The following USP34 variants were observed in gnomAD, a reference collection of about 807,000 sequenced individuals.
The protein encoded by USP34 is ubiquitin carboxyl-terminal hydrolase 34.
In USP34, 70 loss-of-function variants were observed where a neutral mutation model predicts 460.3. The ratio of observed to expected loss-of-function variants is 0.15; its 90% CI spans 0.13 to 0.19. The LOEUF is 0.19. Ranked by LOEUF, USP34 falls within the 10% of genes least tolerant of loss-of-function variation. The pLI is 1.00. For missense variants in USP34, 3,985 were observed against 4,236.2 expected (o/e 0.94, Z 1.65); for synonymous variants, 1,647 against 1,405.3 (o/e 1.17, Z -3.85).
At chr2:61,358,591 C>T (rs1167234073) in intron 10 of USP34, among the ~76,000 whole-genome samples, 1 of 152,138 alleles carries the variant, frequency 6.6e-6, no homozygotes, top group Admixed American at 6.5e-5. Flanking sequence ...TTTACCACTG[C>T]TACTCAACAC....
At chr2:61,270,076 A>T (rs1049216876) in intron 41 of USP34, among the ~76,000 whole-genome samples, 2 of 152,180 alleles carry the variant, frequency 1.3e-5, no homozygotes, top group African/African-American at 2.4e-5. Flanking sequence ...CCCAGCCTAA[A>T]ATTACAAAAG....
intron 41 of USP34, among the ~76,000 whole-genome samples, chr2:61,266,774 G>GAGAT (rs1457124868): frequency 6.6e-6 from 1 of 152,308 alleles, no homozygotes; most frequent in East Asian, 1.9e-4. Flanking sequence ...GTGCAGAAAA[G>GAGAT]AGATAGCACA....
intron 16 of USP34, among the ~76,000 whole-genome samples, chr2:61,341,297 C>T (rs1337742884): frequency 6.6e-6 from 1 of 152,134 alleles, no homozygotes; most frequent in African/African-American, 2.4e-5. Context: ...TTTCACTTCT[C>T]TTGAGTAAAA....
At chr2:61,256,545 G>T (rs975896992) in intron 47 of USP34, 67 bp from the exon 48 acceptor site, 1 of 1,256,906 alleles carries the variant, frequency 8.0e-7, no homozygotes, top group Non-Finnish European at 1.1e-6. Flanking sequence ...ACAAAAGGTG[G>T]CAATTACAAT....
chr2:61,380,900 C>T (rs982266561), intron 6 of USP34, among the ~76,000 whole-genome samples: 4 of 152,206 alleles, frequency 2.6e-5, no homozygotes, highest in African/African-American at 9.7e-5. Flanking sequence ...GATTCCCGCT[C>T]ACCCCACAAG....
chr2:61,373,514 T>C (rs1692694415), intron 8 of USP34, among the ~76,000 whole-genome samples: 1 of 150,334 alleles, frequency 6.7e-6, no homozygotes, highest in Non-Finnish European at 1.5e-5. Context: ...CAATAACAAA[T>C]AAAATAGACT....
intron 3 of USP34, among the ~76,000 whole-genome samples, chr2:61,399,950 T>C (rs994339288): frequency 6.6e-6 from 1 of 151,172 alleles, no homozygotes; most frequent in African/African-American, 2.4e-5. Flanking sequence ...AGAAAGGCTT[T>C]AATAAACTTA....
chr2:61,211,971 G>A (rs759604790), intron 68 of USP34, 42 bp from the exon 69 acceptor site: 1 of 1,547,942 alleles, frequency 6.5e-7, no homozygotes, highest in South Asian at 1.2e-5. Flanking sequence ...TAACCCTATA[G>A]CATTTTAGAA....
chr2:61,455,928 G>T (rs1695424556), intron 1 of USP34, among the ~76,000 whole-genome samples: 1 of 152,068 alleles, frequency 6.6e-6, no homozygotes, highest in Non-Finnish European at 1.5e-5. Flanking sequence ...CTTAATAAAT[G>T]ACAGGAGCAA....
intron 78 of USP34, 180 bp downstream of exon 78, chr2:61,190,091 A>T (rs146414477): frequency 1.3e-5 from 8 of 631,218 alleles, no homozygotes; most frequent in African/African-American, 3.7e-5. Context: ...AAGGTGATAG[A>T]GTGTGCTGTG....
intron 1 of USP34, 40 bp downstream of exon 1, chr2:61,470,610 A>T: frequency 6.8e-7 from 1 of 1,478,490 alleles, no homozygotes; most frequent in Non-Finnish European, 9.4e-7. Flanking sequence ...CGAGGACCCC[A>T]AACCGTGCAC....
At chr2:61,430,227 A>C (rs1299504611) in intron 1 of USP34, among the ~76,000 whole-genome samples, 3 of 129,280 alleles carry the variant, frequency 2.3e-5, no homozygotes, top group Non-Finnish European at 5.2e-5. Context: ...AAAAAAAAAA[A>C]AAAGAAAAGA....
chr2:61,236,098 A>G (rs1205966212), intron 55 of USP34, 25 bp from the exon 56 acceptor site: 1 of 1,596,186 alleles, frequency 6.3e-7, no homozygotes, highest in Non-Finnish European at 8.5e-7. Flanking sequence ...AAAGCAAAAA[A>G]GCTTCAATCA....
chr2:61,462,444 G>A (rs1211548529), intron 1 of USP34, among the ~76,000 whole-genome samples: 1 of 150,786 alleles, frequency 6.6e-6, no homozygotes, highest in African/African-American at 2.4e-5. Context: ...AGCTACTTGG[G>A]AAGCTGAGGC....
intron 33 of USP34, among the ~76,000 whole-genome samples, chr2:61,289,925 A>C (rs1689799789): frequency 6.6e-6 from 1 of 152,150 alleles, no homozygotes; most frequent in African/African-American, 2.4e-5. Flanking sequence ...CTCCCCTAAA[A>C]GATGCTGTCA....
chr2:61,351,064 A>T (rs974916758), intron 10 of USP34, among the ~76,000 whole-genome samples: 1 of 152,188 alleles, frequency 6.6e-6, no homozygotes, highest in Non-Finnish European at 1.5e-5. Flanking sequence ...CTCTGTAAAA[A>T]ATACATTTTA....
At chr2:61,218,975 C>G (rs916023544) in intron 67 of USP34, among the ~76,000 whole-genome samples, 3 of 152,172 alleles carry the variant, frequency 2.0e-5, no homozygotes, top group African/African-American at 4.8e-5. Context: ...TCACTAAGCT[C>G]ATACTCAATG....
At chr2:61,205,274 A>G (rs929164207) in intron 72 of USP34, among the ~76,000 whole-genome samples, 1 of 152,228 alleles carries the variant, frequency 6.6e-6, no homozygotes, top group Non-Finnish European at 1.5e-5. Context: ...TTAATGTTTT[A>G]CGATGCTGGC....
At chr2:61,417,719 C>CTTTTTTTTTTTTTTTTTT (rs201901250) in intron 2 of USP34, among the ~76,000 whole-genome samples, 1 of 130,772 alleles carries the variant, frequency 7.6e-6, no homozygotes, top group Non-Finnish European at 1.6e-5. Flanking sequence ...ATACTAAAAT[C>CTTTTTTTTTTTTTTTTTT]TTTTTTTTTT....
Sources: gnomAD v4.1 joint callset for allele counts (sites outside exome capture counted in the v4.1 genomes callset) on GRCh38, gnomAD v4.1.1 for gene constraint, MANE v1.5 for transcripts, NCBI Gene and HGNC (gene_info 2026-07-23, HGNC 2026-07-21) for gene names.